SGTB: variants seen among roughly 807,000 people sequenced by gnomAD.
SGTB encodes small glutamine rich tetratricopeptide repeat co-chaperone beta.
SGTB carries 19 observed loss-of-function variants against 43.9 expected under a neutral mutation model. The ratio of observed to expected loss-of-function variants is 0.43; its 90% CI spans 0.30 to 0.63. The LOEUF is 0.63. Ranked by LOEUF, SGTB falls within the 30% of genes least tolerant of loss-of-function variation. SGTB has a pLI of 0.12. For missense variants in SGTB, 304 were observed against 358.9 expected (o/e 0.85, Z 1.24); for synonymous variants, 116 against 117.3 (o/e 0.99, Z 0.07).
At chr5:65,712,637 C>T (rs1758064985) in intron 3 of SGTB, among the ~76,000 whole-genome samples, 1 of 151,940 alleles carries the variant, frequency 6.6e-6, no homozygotes, top group East Asian at 1.9e-4. Flanking sequence ...AATTCAGATG[C>T]TGGAAACCAA....
chr5:65,722,506 C>G (rs1579896522), upstream of SGTB: 2 of 1,175,838 alleles, frequency 1.7e-6, no homozygotes, highest in East Asian at 5.8e-5. Context: ...CCTTCCCGAC[C>G]GCGCCTCTCC....
intron 4 of SGTB, among the ~76,000 whole-genome samples, chr5:65,706,810 C>T (rs1392623104): frequency 6.6e-6 from 1 of 151,206 alleles, no homozygotes; most frequent in African/African-American, 2.4e-5. Flanking sequence ...CCAGCCTGGG[C>T]GACAGAGCCA....
chr5:65,681,424 AATT>A (rs898309897), intron 6 of SGTB, among the ~76,000 whole-genome samples: 2 of 152,172 alleles, frequency 1.3e-5, no homozygotes, highest in African/African-American at 4.8e-5. Context: ...CTTATTGAAA[AATT>A]ATTATAGAAC....
rs559922993 is a variant in SGTB, at chr5:65,706,571, T to C, written c.274+1918A>G. Among the ~76,000 whole-genome samples the C allele has an allele frequency of 3.3e-3, 498 of 152,210 alleles. 2 individuals are homozygous for C. Among genetic ancestry groups the C allele is most frequent in the African/African-American group, 0.011 (456 of 41,530 alleles). On this transcript the variant is annotated intron_variant, in intron 4 of 10. Coordinates refer to ENST00000381007, the MANE Select transcript of SGTB (RefSeq NM_019072.3). ...TCAGGGTTGGGTGTGGTGGCGCACATCTGTAATCCTGGCACTTTGGGAGGC... is the reference window on the plus strand; with the variant it reads ...TCAGGGTTGGGTGTGGTGGCGCACACCTGTAATCCTGGCACTTTGGGAGGC...
Position 65,667,990 on chromosome 5 carries a change from T to A in SGTB, c.*2256A>T, listed in dbSNP as rs1757076070. ...TTTTTTGAAATGGAGTCTTGCTCTG[T>A]CACCCAGGCTGGAGTGCAGTGGCGC... On this transcript the variant is annotated 3_prime_UTR_variant, in exon 11 of 11. Transcript: ENST00000381007. 1 of 151,024 alleles carries A rather than the reference T, an allele frequency of 6.6e-6. No homozygotes were observed. Among genetic ancestry groups the A allele is most frequent in the Admixed American group, 6.6e-5 (1 of 15,136 alleles). The allele number at this position is 151,024 out of a possible 1,614,324, so 9.4% of individuals were successfully genotyped here. A position where few individuals can be genotyped will look rare whatever the true frequency, so the allele number is the denominator to read the frequency against.
At chr5:65,707,741 T>C (rs915169156) in intron 4 of SGTB, among the ~76,000 whole-genome samples, 1 of 152,078 alleles carries the variant, frequency 6.6e-6, no homozygotes, top group Non-Finnish European at 1.5e-5. Context: ...CCATGATATA[T>C]ATTTTTTTAA....
intron 6 of SGTB, among the ~76,000 whole-genome samples, chr5:65,682,614 A>G (rs1008984543): frequency 4.6e-5 from 7 of 152,218 alleles, no homozygotes; most frequent in African/African-American, 1.7e-4. Flanking sequence ...ATAACAATGA[A>G]GGATGACTCT....
Position 65,708,570 on chromosome 5 carries a change from T to C in SGTB, c.205-12A>G. On this transcript the variant is annotated splice_polypyrimidine_tract_variant and intron_variant, in intron 3 of 10. Transcript: ENST00000381007. ...GGCAGAACGTCATTCTGAAATTAAA[T>C]AAAAATCAATGCACTTCCCTTTAGC... The C allele has an allele frequency of 1.2e-6, 2 of 1,608,436 alleles. No individual in the cohort carries two copies. Among genetic ancestry groups the C allele is most frequent in the Non-Finnish European group, 1.7e-6 (2 of 1,176,450 alleles).
intron 5 of SGTB, among the ~76,000 whole-genome samples, chr5:65,702,659 GCCTCATAA>G (rs1327388806): frequency 2.6e-5 from 4 of 152,152 alleles, no homozygotes; most frequent in Admixed American, 2.0e-4. Flanking sequence ...ACTAATCCTC[GCCTCATAA>G]CCTAATCACC....
intron 5 of SGTB, among the ~76,000 whole-genome samples, chr5:65,695,955 C>CAG (rs2150714168): frequency 6.6e-6 from 1 of 152,302 alleles, no homozygotes; most frequent in South Asian, 2.1e-4. Flanking sequence ...AAGTGCAGAA[C>CAG]AGAGATTCAA....
intron 2 of SGTB, among the ~76,000 whole-genome samples, chr5:65,717,787 A>G (rs1435343609): frequency 2.0e-5 from 3 of 152,228 alleles, no homozygotes; most frequent in Non-Finnish European, 4.4e-5. Context: ...GTTCACAGTC[A>G]TGAATTTAAA....
chr5:65,722,446 T>A, upstream of SGTB: 4 of 1,562,770 alleles, frequency 2.6e-6, no homozygotes, highest in Non-Finnish European at 3.5e-6. Flanking sequence ...ACCTTGGCCG[T>A]GGGCAGGGCG....
intron 6 of SGTB, among the ~76,000 whole-genome samples, chr5:65,682,743 A>G (rs573229007): frequency 6.6e-6 from 1 of 152,336 alleles, no homozygotes; most frequent in African/African-American, 2.4e-5. Flanking sequence ...TACCTATTAA[A>G]CATCCAAACA....
intron 6 of SGTB, among the ~76,000 whole-genome samples, chr5:65,684,480 A>C (rs1177256351): frequency 6.6e-6 from 1 of 152,168 alleles, no homozygotes; most frequent in Non-Finnish European, 1.5e-5. Context: ...GGATTGTAAT[A>C]GTTGCAAAGT....
intron 1 of SGTB, among the ~76,000 whole-genome samples, chr5:65,721,698 G>C (rs568761870): frequency 6.6e-6 from 1 of 152,308 alleles, no homozygotes; most frequent in African/African-American, 2.4e-5. Flanking sequence ...TAAGGCCCCA[G>C]GGCAGAAGGT....
intron 4 of SGTB, among the ~76,000 whole-genome samples, chr5:65,706,732 T>C (rs1463081839): frequency 6.6e-6 from 1 of 151,868 alleles, no homozygotes; most frequent in Non-Finnish European, 1.5e-5. Context: ...CTCGGGAGGC[T>C]GAGGCAGGAA....
chr5:65,676,885 G>C (rs183828140), intron 8 of SGTB, among the ~76,000 whole-genome samples: 42 of 151,842 alleles, frequency 2.8e-4, no homozygotes, highest in African/African-American at 9.2e-4. Flanking sequence ...AAGATCTCCA[G>C]TTGACAACCT....
intron 5 of SGTB, among the ~76,000 whole-genome samples, chr5:65,688,148 G>A (rs1378979876): frequency 6.6e-6 from 1 of 152,114 alleles, no homozygotes; most frequent in Non-Finnish European, 1.5e-5. Context: ...GAGAAAAGGA[G>A]TTAATGGACT....
chr5:65,720,416 A>C (rs1758242815), intron 2 of SGTB, among the ~76,000 whole-genome samples: 1 of 152,160 alleles, frequency 6.6e-6, no homozygotes, highest in Admixed American at 6.5e-5. Context: ...AATGGGGATA[A>C]TACTAACATA....
Sources: allele counts gnomAD v4.1 joint callset (sites outside exome capture counted in the v4.1 genomes callset), GRCh38; gene constraint gnomAD v4.1.1; transcripts MANE v1.5; gene names NCBI Gene and HGNC (gene_info 2026-07-23, HGNC 2026-07-21).